Variants in FSTL5 observed in about 807,000 individuals in gnomAD.
FSTL5 encodes the protein follistatin-related protein 5.
Under a neutral mutation model 89.1 loss-of-function variants are expected in FSTL5, and 62 were observed. That is an observed-to-expected ratio of 0.70 (90% CI 0.57 to 0.86). The LOEUF (loss-of-function observed/expected upper bound fraction) is 0.86. Among genes scored for constraint, FSTL5 ranks in the 40% least tolerant of loss-of-function variants. FSTL5 has a pLI of 0.00. For synonymous variants in FSTL5, 383 were observed against 346.2 expected (o/e 1.11, Z -1.18); for missense variants, 1,057 against 1,001.6 (o/e 1.06, Z -0.75).
intron 11 of FSTL5, among the ~76,000 whole-genome samples, chr4:161,509,217 T>C (rs1006726810): frequency 2.0e-5 from 3 of 152,212 alleles, no homozygotes; most frequent in African/African-American, 7.2e-5. Context: ...GCAGGAGAAT[T>C]GCTTGAACCC....
At chr4:162,142,017 A>C (rs895173199) in intron 1 of FSTL5, among the ~76,000 whole-genome samples, 1 of 152,146 alleles carries the variant, frequency 6.6e-6, no homozygotes, top group Non-Finnish European at 1.5e-5. Context: ...GGTTGTTCCA[A>C]TGGGAAATGA....
rs1730286825 is a variant in FSTL5, at chr4:161,501,266, A to G, written c.1340-1132T>C. 2.0e-5 allele frequency among the ~76,000 whole-genome samples: 3 copies of G among 152,218 alleles called. No individual in the cohort carries two copies. In the South Asian group the frequency reaches 6.2e-4, roughly 32 times the overall value. On this transcript the variant is annotated intron_variant, in intron 11 of 15. Transcript: ENST00000306100. ...TTTTTTTCAATTGTGATCTCCTGGA[A>G]GATTCAGCCTGGGCTTTCCATCTAT...
chr4:161,912,550 C>T lies in FSTL5; in HGVS notation c.409+7854G>A, dbSNP rs1021747490. Among the ~76,000 whole-genome samples the T allele has an allele frequency of 8.5e-5, 13 of 152,134 alleles. No individual in the cohort carries two copies. In the South Asian group the frequency reaches 1.7e-3, roughly 19 times the overall value. On this transcript the variant is annotated intron_variant, in intron 4 of 15. Coordinates refer to ENST00000306100, the MANE Select transcript of FSTL5 (RefSeq NM_020116.5). ...GTAAGAAGTGCCTTTCACCTTCCACCGTGATTCTGAGGCCTTCCCATCCAT... is the reference window on the plus strand; with the variant it reads ...GTAAGAAGTGCCTTTCACCTTCCACTGTGATTCTGAGGCCTTCCCATCCAT...
chr4:161,762,062 T>C (rs1441361142), intron 5 of FSTL5, among the ~76,000 whole-genome samples: 1 of 152,216 alleles, frequency 6.6e-6, no homozygotes, highest in East Asian at 1.9e-4. Context: ...GATATAAAAA[T>C]GGCACATATT....
At chr4:161,975,518 C>A (rs1374836798) in intron 3 of FSTL5, among the ~76,000 whole-genome samples, 1 of 148,386 alleles carries the variant, frequency 6.7e-6, no homozygotes, top group African/African-American at 2.5e-5. Flanking sequence ...AAACCAAACA[C>A]CGCATATTCT....
chr4:161,561,008 TA>T (rs1276851672), intron 8 of FSTL5, among the ~76,000 whole-genome samples: 1 of 151,918 alleles, frequency 6.6e-6, no homozygotes, highest in African/African-American at 2.4e-5. Context: ...GGTAGCACAG[TA>T]GAATTTTTAC....
intron 2 of FSTL5, among the ~76,000 whole-genome samples, chr4:162,084,395 GA>G (rs550328698): frequency 1.1e-4 from 17 of 151,430 alleles, no homozygotes; most frequent in Non-Finnish European, 2.5e-4. Flanking sequence ...CAATCATTTG[GA>G]AAAAAGAAAT....
intron 2 of FSTL5, among the ~76,000 whole-genome samples, chr4:162,087,366 A>C (rs1730361641): frequency 1.3e-5 from 2 of 152,092 alleles, no homozygotes; most frequent in Admixed American, 1.3e-4. Flanking sequence ...AGAAAACTTA[A>C]TTTTGGTTAT....
At chr4:162,011,070 C>T (rs1021431606) in intron 3 of FSTL5, among the ~76,000 whole-genome samples, 6 of 152,074 alleles carry the variant, frequency 3.9e-5, no homozygotes, top group African/African-American at 1.4e-4. Context: ...AGATGCCCCA[C>T]GAAGGCAGAA....
chr4:161,793,119 T>C (rs1579097043), intron 4 of FSTL5, among the ~76,000 whole-genome samples: 1 of 152,340 alleles, frequency 6.6e-6, no homozygotes, highest in Non-Finnish European at 1.5e-5. Flanking sequence ...GCTGCAGCCT[T>C]GCATGGAGCC....
intron 6 of FSTL5, among the ~76,000 whole-genome samples, chr4:161,661,368 A>G (rs1030441516): frequency 5.3e-5 from 8 of 152,282 alleles, no homozygotes; most frequent in African/African-American, 1.9e-4. Context: ...AATGAAGCCT[A>G]GAATAAATTT....
intron 2 of FSTL5, among the ~76,000 whole-genome samples, chr4:162,077,237 G>T (rs1016572819): frequency 6.6e-5 from 10 of 151,670 alleles, no homozygotes; most frequent in Non-Finnish European, 1.3e-4. Flanking sequence ...AAAGAAAGAG[G>T]GAGCCCAACT....
intron 8 of FSTL5, among the ~76,000 whole-genome samples, chr4:161,572,131 C>A (rs1224209885): frequency 6.6e-6 from 1 of 151,598 alleles, no homozygotes; most frequent in South Asian, 2.1e-4. Context: ...CCAGCCTGGA[C>A]AATATGGTGA....
chr4:162,137,271 C>T (rs1732556330), intron 1 of FSTL5, among the ~76,000 whole-genome samples: 1 of 151,998 alleles, frequency 6.6e-6, no homozygotes, highest in Admixed American at 6.6e-5. Context: ...AATGTCAAAT[C>T]TCTATCAGCC....
chr4:161,704,673 T>C (rs1004216917), intron 6 of FSTL5, among the ~76,000 whole-genome samples: 1 of 152,088 alleles, frequency 6.6e-6, no homozygotes, highest in Non-Finnish European at 1.5e-5. Context: ...TTAAGAGTAT[T>C]AAGCTCATTA....
intron 2 of FSTL5, among the ~76,000 whole-genome samples, chr4:162,092,788 A>G (rs1415128594): frequency 6.6e-6 from 1 of 151,740 alleles, no homozygotes; most frequent in African/African-American, 2.4e-5. Context: ...ATCTCTACTA[A>G]AAATGCAAAA....
intron 4 of FSTL5, among the ~76,000 whole-genome samples, chr4:161,908,638 A>G (rs1193764410): frequency 6.6e-6 from 1 of 152,106 alleles, no homozygotes; most frequent in Non-Finnish European, 1.5e-5. Flanking sequence ...ATATTCCATG[A>G]TTGGAAGCCT....
chr4:161,789,338 T>C (rs1729375389), intron 4 of FSTL5, among the ~76,000 whole-genome samples: 1 of 152,116 alleles, frequency 6.6e-6, no homozygotes, highest in South Asian at 2.1e-4. Context: ...AAAAAAAAAT[T>C]CATTATTTAT....
At chr4:161,944,732 CTT>C (rs1167656137) in intron 3 of FSTL5, among the ~76,000 whole-genome samples, 1 of 151,698 alleles carries the variant, frequency 6.6e-6, no homozygotes, top group African/African-American at 2.4e-5. Context: ...AATAATACCT[CTT>C]AAGGTAAGAC....
Sources: allele counts gnomAD v4.1 joint callset (sites outside exome capture counted in the v4.1 genomes callset), GRCh38; gene constraint gnomAD v4.1.1; transcripts MANE v1.5; gene names NCBI Gene and HGNC (gene_info 2026-07-23, HGNC 2026-07-21).